The following ANO6 variants were observed in gnomAD, a reference collection of about 807,000 sequenced individuals.
ANO6 encodes the protein anoctamin-6.
ANO6 carries 106 observed loss-of-function variants against 117.5 expected under a neutral mutation model. The observed-to-expected ratio is 0.90, with a 90% CI of 0.77 to 1.06. ANO6 has a LOEUF of 1.06. Ranked by LOEUF, ANO6 falls within the 50% of genes least tolerant of loss-of-function variation. The pLI is 0.00. For missense variants in ANO6, 955 were observed against 1,121.1 expected (o/e 0.85, Z 2.12); for synonymous variants, 367 against 385.1 (o/e 0.95, Z 0.55).
At chr12:45,244,917 A>G (rs1371048618) in intron 1 of ANO6, among the ~76,000 whole-genome samples, 1 of 152,196 alleles carries the variant, frequency 6.6e-6, no homozygotes, top group Non-Finnish European at 1.5e-5. Flanking sequence ...TGGCCTGAAC[A>G]ATTAATGCGG....
chr12:45,385,570 T>C (rs1384419604), intron 10 of ANO6, among the ~76,000 whole-genome samples: 1 of 151,994 alleles, frequency 6.6e-6, no homozygotes, highest in Non-Finnish European at 1.5e-5. Context: ...CAGGGTCTCT[T>C]TGGGGAGTAT....
chr12:45,332,748 G>T (rs1303745536), intron 3 of ANO6, among the ~76,000 whole-genome samples: 1 of 152,002 alleles, frequency 6.6e-6, no homozygotes, highest in East Asian at 1.9e-4. Context: ...CAGAAGCTCT[G>T]CCATATTCGC....
chr12:45,357,900 G>A (rs919747073), intron 8 of ANO6, among the ~76,000 whole-genome samples: 9 of 152,124 alleles, frequency 5.9e-5, no homozygotes, highest in African/African-American at 2.2e-4. Context: ...CTCAATAGTT[G>A]TTTTGGTTTT....
At chr12:45,331,481 CTGCT>C in intron 3 of ANO6, 58 bp downstream of exon 3, 1 of 1,464,666 alleles carries the variant, frequency 6.8e-7, no homozygotes, top group South Asian at 1.3e-5. Flanking sequence ...CATGAAAAAA[CTGCT>C]ATTTTGTATA....
chr12:45,271,674 T>G (rs1938398133), intron 1 of ANO6, among the ~76,000 whole-genome samples: 1 of 152,234 alleles, frequency 6.6e-6, no homozygotes, highest in South Asian at 2.1e-4. Context: ...ACATTTACCC[T>G]TGTAGCTGTA....
At chr12:45,326,610 G>A (rs377680884) in intron 2 of ANO6, among the ~76,000 whole-genome samples, 2 of 152,094 alleles carry the variant, frequency 1.3e-5, no homozygotes, top group East Asian at 1.9e-4. Flanking sequence ...GCTGCTTGAC[G>A]GTGCCCTGAA....
intron 1 of ANO6, among the ~76,000 whole-genome samples, chr12:45,272,378 T>C (rs1938421990): frequency 6.6e-6 from 1 of 152,216 alleles, no homozygotes; most frequent in African/African-American, 2.4e-5. Context: ...TTTTCATCTA[T>C]GTCCTGTCAT....
chr12:45,366,993 G>GT (rs1242273368), intron 8 of ANO6, among the ~76,000 whole-genome samples: 2 of 151,884 alleles, frequency 1.3e-5, no homozygotes, highest in Non-Finnish European at 2.9e-5. Flanking sequence ...GTTTTGTTTT[G>GT]TTTTTTGAGA....
At chr12:45,219,503 ATT>A (rs59216107) in intron 1 of ANO6, among the ~76,000 whole-genome samples, 11 of 119,654 alleles carry the variant, frequency 9.2e-5, no homozygotes, top group Admixed American at 3.6e-4. Context: ...TGCCTGGCCA[ATT>A]TTTTTTTTTT....
chr12:45,397,956 C>A (rs571088075), intron 12 of ANO6, among the ~76,000 whole-genome samples: 1 of 139,088 alleles, frequency 7.2e-6, no homozygotes, highest in Non-Finnish European at 1.5e-5. Flanking sequence ...ACGTTGTGCA[C>A]GTGTACCCTA....
At chr12:45,425,201 G>A (rs1943471716) in intron 19 of ANO6, among the ~76,000 whole-genome samples, 2 of 152,122 alleles carry the variant, frequency 1.3e-5, no homozygotes, top group Admixed American at 6.5e-5. Context: ...GGATTAAACA[G>A]AAGTTTATGC....
rs572058483 is a variant in ANO6, at chr12:45,375,386, C to T, written c.1105-2667C>T. On this transcript the variant is annotated intron_variant, in intron 9 of 19. Coordinates refer to ENST00000320560, the MANE Select transcript of ANO6 (RefSeq NM_001025356.3). ...GTTCATATGGAACCAAAAAAGAGCC[C>T]GCATAGCCAAGTCATTCCTAAGCCA... 1.0e-3 allele frequency among the ~76,000 whole-genome samples: 158 copies of T among 152,258 alleles called. 2 individuals carry two copies. Among genetic ancestry groups the T allele is most frequent in the African/African-American group, 3.6e-3 (149 of 41,546 alleles).
downstream of ANO6, among the ~76,000 whole-genome samples, chr12:45,434,268 C>T (rs1565781708): frequency 6.6e-6 from 1 of 152,178 alleles, no homozygotes; most frequent in Non-Finnish European, 1.5e-5. Flanking sequence ...TCTTTCTTGT[C>T]ATTGTCGCTT....
At chr12:45,351,380 G>A (rs567737497) in intron 7 of ANO6, among the ~76,000 whole-genome samples, 2 of 152,266 alleles carry the variant, frequency 1.3e-5, no homozygotes, top group African/African-American at 4.8e-5. Context: ...TAGCTCAAGA[G>A]TTTTTCTTCC....
intron 1 of ANO6, among the ~76,000 whole-genome samples, chr12:45,239,363 A>T (rs547193924): frequency 6.6e-6 from 1 of 152,208 alleles, no homozygotes; most frequent in Non-Finnish European, 1.5e-5. Context: ...GGTAGTTTGT[A>T]TTCCTGTTGG....
At chr12:45,221,942 C>T (rs1322052467) in intron 1 of ANO6, among the ~76,000 whole-genome samples, 24 of 144,246 alleles carry the variant, frequency 1.7e-4, no homozygotes, top group African/African-American at 5.5e-4. Context: ...AGTGCAGTGG[C>T]GTGATCTCAG....
At chr12:45,239,589 C>G (rs542399402) in intron 1 of ANO6, among the ~76,000 whole-genome samples, 1 of 151,836 alleles carries the variant, frequency 6.6e-6, no homozygotes, top group Admixed American at 6.6e-5. Context: ...CTTCTGCTAG[C>G]TTTTGAATGT....
chr12:45,273,135 C>T (rs536487309), intron 1 of ANO6, among the ~76,000 whole-genome samples: 1 of 150,662 alleles, frequency 6.6e-6, no homozygotes, highest in African/African-American at 2.4e-5. Context: ...ACAGTGATTG[C>T]CGGGGGGCTG....
At chr12:45,235,293 C>A (rs947762614) in intron 1 of ANO6, among the ~76,000 whole-genome samples, 1 of 152,140 alleles carries the variant, frequency 6.6e-6, no homozygotes, top group African/African-American at 2.4e-5. Context: ...TAAATCTTAG[C>A]CCTAAATTGT....
Sources: gnomAD v4.1 joint callset for allele counts (sites outside exome capture counted in the v4.1 genomes callset) on GRCh38, gnomAD v4.1.1 for gene constraint, MANE v1.5 for transcripts, NCBI Gene and HGNC (gene_info 2026-07-23, HGNC 2026-07-21) for gene names.